ACLY: variants seen among roughly 807,000 people sequenced by gnomAD.
The protein encoded by ACLY is ATP citrate lyase.
ACLY carries 41 observed loss-of-function variants against 133.0 expected under a neutral mutation model. The ratio of observed to expected loss-of-function variants is 0.31; its 90% confidence interval spans 0.24 to 0.40. ACLY has a LOEUF of 0.40. Ranked by LOEUF, ACLY falls within the 10% of genes least tolerant of loss-of-function variation. The pLI, the probability that ACLY is intolerant of heterozygous loss-of-function variation, is 1.00. For synonymous variants in ACLY, 495 were observed against 549.3 expected (o/e 0.90, Z 1.38); for missense variants, 1,046 against 1,453.8 (o/e 0.72, Z 4.56).
intron 22 of ACLY, 114 bp from the exon 23 acceptor site, chr17:41,874,079 C>G: frequency 8.9e-7 from 1 of 1,119,156 alleles, no homozygotes; most frequent in Non-Finnish European, 1.2e-6. Flanking sequence ...ATGTCGTAAA[C>G]TCTGGCAGCC....
At chr17:41,878,250 T>C (rs1555626528) in intron 21 of ACLY, 54 bp from the exon 22 acceptor site, 2 of 1,294,056 alleles carry the variant, frequency 1.5e-6, no homozygotes, top group African/African-American at 3.1e-5. Flanking sequence ...TTTGGGCTCC[T>C]GTAAGACATC....
At position 41,917,134 on chromosome 17, in the gene ACLY, CAAAAAAA is replaced by C. The variant is rs35545409; in HGVS notation, c.-24+1739_-24+1745del. ...CTGCCGACAGAGCAAGACTCTGTCTCAAAAAAAAAAAAAAAAAAAAAAGAATATTTGC... is the reference window on the plus strand; with the variant it reads ...CTGCCGACAGAGCAAGACTCTGTCTCAAAAAAAAAAAAAAAGAATATTTGC... On this transcript the variant is annotated intron_variant, in intron 1 of 28. Transcript: ENST00000352035. Among the ~76,000 whole-genome samples, 9 of 53,556 alleles carry C rather than the reference CAAAAAAA, an allele frequency of 1.7e-4. No homozygotes were observed. In the South Asian group the frequency reaches 2.1e-3, roughly 13 times the overall value. 35.1% of individuals were successfully genotyped at this position (53,556 alleles called of 152,430 possible).
chr17:41,888,221 G>C (rs1348815256), intron 16 of ACLY, among the ~76,000 whole-genome samples: 1 of 152,182 alleles, frequency 6.6e-6, no homozygotes. Flanking sequence ...ACCATCTCCT[G>C]AAAACACAAG....
At chr17:41,917,361 G>C (rs2050077860) in intron 1 of ACLY, among the ~76,000 whole-genome samples, 1 of 152,044 alleles carries the variant, frequency 6.6e-6, no homozygotes, top group South Asian at 2.1e-4. Context: ...TCATGCCAAG[G>C]AACCTGAAAA....
chr17:41,873,725 G>A (rs1166552067), intron 23 of ACLY, 86 bp downstream of exon 23: 5 of 1,431,218 alleles, frequency 3.5e-6, no homozygotes, highest in Non-Finnish European at 4.6e-6. Context: ...ACACTCCCCA[G>A]GCCTGTCCAC....
At chr17:41,872,514 C>T (rs920912415) in intron 23 of ACLY, among the ~76,000 whole-genome samples, 4 of 152,072 alleles carry the variant, frequency 2.6e-5, no homozygotes, top group Admixed American at 6.6e-5. Context: ...TTAGTAGAGA[C>T]GAGATTTTGC....
intron 22 of ACLY, 55 bp downstream of exon 22, chr17:41,878,048 C>G (rs2048808358): frequency 1.5e-6 from 2 of 1,310,126 alleles, no homozygotes; most frequent in Admixed American, 5.6e-5. Context: ...AACCCACCAC[C>G]ATAGACCCAC....
chr17:41,872,315 C>G lies in ACLY; in HGVS notation c.2643-133G>C, dbSNP rs8071234. 0.76 allele frequency: 619,256 copies of G among 819,274 alleles called. 235,640 individuals are homozygous for G. The highest frequency in any genetic ancestry group is 0.86 in the Admixed American group (34,508 of 40,120). 50.8% of individuals were successfully genotyped at this position (819,274 alleles called of 1,614,324 possible). On this transcript the variant is annotated intron_variant, in intron 23 of 28. Transcript: ENST00000352035. ...CCAAGTCTAATACTACCACACAACTCTAAGGCAAAACCTCCTGATTCTTTT... is the reference window on the plus strand; with the variant it reads ...CCAAGTCTAATACTACCACACAACTGTAAGGCAAAACCTCCTGATTCTTTT...
At position 41,929,131 on chromosome 17, in the gene ACLY, G is replaced by A. The variant is rs1290950340; in HGVS notation, c.-28+1227C>T. 5.0e-5 allele frequency among the ~76,000 whole-genome samples: 5 copies of A among 99,886 alleles called. No individual in the cohort carries two copies. In the South Asian group the frequency reaches 9.5e-4, roughly 19 times the overall value. The allele number at this position is 99,886 out of a possible 152,430, so 65.5% of individuals were successfully genotyped here. Reference sequence around the variant, plus strand: ...TTTTTTTGAGACAGGGTCTTGCTTTGTTACACAGGCTACAATGCAGTGGCC... The same window carrying A: ...TTTTTTTGAGACAGGGTCTTGCTTTATTACACAGGCTACAATGCAGTGGCC... On this transcript the variant is annotated intron_variant, in intron 1 of 3. Transcript: ENST00000592970.
At chr17:41,885,169 T>C (rs2049017844) in intron 18 of ACLY, among the ~76,000 whole-genome samples, 2 of 152,330 alleles carry the variant, frequency 1.3e-5, no homozygotes, top group Admixed American at 1.3e-4. Context: ...CATAAGCCAC[T>C]GTTCTTGGCC....
chr17:41,904,695 T>C (rs952137891), intron 10 of ACLY, 34 bp downstream of exon 10: 2 of 1,606,774 alleles, frequency 1.2e-6, no homozygotes, highest in Admixed American at 1.7e-5. Flanking sequence ...CAAACCACTT[T>C]CCCCAGAAAC....
intron 22 of ACLY, among the ~76,000 whole-genome samples, chr17:41,877,736 A>C (rs1159680799): frequency 6.6e-6 from 1 of 152,040 alleles, no homozygotes; most frequent in Non-Finnish European, 1.5e-5. Context: ...AGCAAATATA[A>C]AGCAGGCAGA....
chr17:41,877,238 T>G (rs956312086), intron 22 of ACLY, among the ~76,000 whole-genome samples: 1 of 151,988 alleles, frequency 6.6e-6, no homozygotes. Context: ...CCTCCCAGGT[T>G]CAAGCAATTC....
intron 20 of ACLY, among the ~76,000 whole-genome samples, chr17:41,880,311 C>T (rs2048880031): frequency 6.6e-6 from 1 of 152,204 alleles, no homozygotes; most frequent in Admixed American, 6.5e-5. Flanking sequence ...CTGGCCTCAG[C>T]CTGTGCTCTT....
intron 1 of ACLY, among the ~76,000 whole-genome samples, chr17:41,916,655 C>T (rs1369297661): frequency 6.6e-6 from 1 of 151,336 alleles, no homozygotes; most frequent in Non-Finnish European, 1.5e-5. Flanking sequence ...GATTTACAGG[C>T]ATGAGCCACC....
At chr17:41,928,211 T>C (rs1311350164) in intron 1 of ACLY, among the ~76,000 whole-genome samples, 1 of 152,232 alleles carries the variant, frequency 6.6e-6, no homozygotes, top group African/African-American at 2.4e-5. Context: ...GTATATAGTG[T>C]GAGGTAAGGA....
At position 41,913,858 on chromosome 17, in the gene ACLY, T is replaced by C. The variant is rs367736290; in HGVS notation, c.16A>G (p.Ile6Val). 8 of 1,614,164 alleles carry C rather than the reference T, an allele frequency of 5.0e-6. No homozygotes were observed. In the South Asian group the frequency reaches 5.5e-5, roughly 11 times the overall value. The change falls in exon 2 of 29, where the codon ATT becomes GTT. Residue 6 changes from isoleucine (I) to valine (V), a missense_variant. By Grantham distance (29) the Ile-to-Val change is conservative. Transcript: ENST00000352035. ...AGTTCTTTGCCCGTCTGCTCTGAAA[T>C]TGCCTTGGCCGACATGGCTGCAGAG... MSAKA[I>V]SEQTGKELLY...
intron 28 of ACLY, among the ~76,000 whole-genome samples, chr17:41,868,362 C>T (rs1197739953): frequency 2.1e-5 from 3 of 144,290 alleles, no homozygotes; most frequent in African/African-American, 5.1e-5. Flanking sequence ...CGCTTGAACC[C>T]GGGAGGCAGA....
At chr17:41,868,622 AAAAG>A (rs1555624404) in intron 28 of ACLY, 83 bp downstream of exon 28, 13 of 826,192 alleles carry the variant, frequency 1.6e-5, no homozygotes, top group African/African-American at 3.5e-5. Flanking sequence ...AAAAGAAAGA[AAAAG>A]AAACTCAACC....
Sources: gnomAD v4.1 joint callset for allele counts (sites outside exome capture counted in the v4.1 genomes callset) on GRCh38, gnomAD v4.1.1 for gene constraint, MANE v1.5 for transcripts, NCBI Gene and HGNC (gene_info 2026-07-23, HGNC 2026-07-21) for gene names.